Variants in SPEN observed in about 807,000 individuals in gnomAD.
SPEN encodes the protein spen family transcriptional repressor.
A neutral mutation model predicts 269.9 loss-of-function variants in SPEN; 18 were observed. The ratio of observed to expected loss-of-function variants is 0.07; its 90% CI spans 0.05 to 0.10. The LOEUF is 0.10. Among genes scored for constraint, SPEN ranks in the 10% least tolerant of loss-of-function variants. The probability of loss-of-function intolerance (pLI) is 1.00; values close to 1 mark genes in which losing one functional copy is unlikely to be tolerated. For missense variants in SPEN, 3,822 were observed against 4,631.2 expected (o/e 0.83, Z 5.07); for synonymous variants, 1,726 against 1,765.7 (o/e 0.98, Z 0.56).
chr1:15,890,956 A>G (rs1384669812), intron 3 of SPEN, among the ~76,000 whole-genome samples: 1 of 152,194 alleles, frequency 6.6e-6, no homozygotes, highest in East Asian at 1.9e-4. Context: ...TGCACTGAAT[A>G]GCCACATTTC....
At chr1:15,905,763 C>A (rs2070949774) in intron 3 of SPEN, among the ~76,000 whole-genome samples, 1 of 149,784 alleles carries the variant, frequency 6.7e-6, no homozygotes, top group Non-Finnish European at 1.5e-5. Context: ...TTAGTAGAGA[C>A]CGGGTTTCAC....
chr1:15,931,869 A>G lies in SPEN; in HGVS notation c.5629A>G (p.Arg1877Gly). ...GAAGATGGAGGCAGAGAAGATTACA[A>G]GGACTGCTTCTAAAAACTCTGCTGC... ...ELKMEAEKIT[R>G]TASKNSAADL... The change falls in exon 11 of 15, where the codon AGG (arginine) becomes GGG (glycine). Residue 1877 changes from arginine (R) to glycine (G), a missense_variant. By Grantham distance (125) the Arg-to-Gly change is moderately radical. Around this residue, in one of 16 missense-constraint regions of SPEN, gnomAD observed 533 missense variants for 618.8 expected, o/e 0.86. Coordinates refer to ENST00000375759, the MANE Select transcript of SPEN (RefSeq NM_015001.3). This position sits in a 1 kb window ranked among gnomAD's most constrained non-coding sequence, Gnocchi z 4.8. The G allele has an allele frequency of 6.2e-7, 1 of 1,614,236 alleles. No homozygotes were observed. The highest frequency in any genetic ancestry group is 8.5e-7 in the Non-Finnish European group (1 of 1,180,046).
intron 1 of SPEN, among the ~76,000 whole-genome samples, chr1:15,860,277 C>G (rs1388714382): frequency 6.6e-6 from 1 of 151,784 alleles, no homozygotes; most frequent in Non-Finnish European, 1.5e-5. Context: ...TGTTCTGTTA[C>G]CCAGGTTGGA....
intron 8 of SPEN, among the ~76,000 whole-genome samples, chr1:15,920,639 A>C (rs2071109150): frequency 6.6e-6 from 1 of 152,254 alleles, no homozygotes; most frequent in Non-Finnish European, 1.5e-5. Context: ...GAAGAACAAA[A>C]TAAAGGCATA....
chr1:15,864,730 G>A (rs895616041), intron 1 of SPEN, among the ~76,000 whole-genome samples: 34 of 149,550 alleles, frequency 2.3e-4, no homozygotes, highest in African/African-American at 4.9e-4. Flanking sequence ...TCAGCCTACC[G>A]AGTAGCTAGG....
intron 3 of SPEN, among the ~76,000 whole-genome samples, chr1:15,879,675 A>G (rs912022106): frequency 6.8e-6 from 1 of 147,912 alleles, no homozygotes. Context: ...CAGCAGACAA[A>G]TTTTTTTTTT....
chr1:15,930,708 A>G lies in SPEN; in HGVS notation c.4468A>G (p.Ile1490Val), dbSNP rs759629508. The G allele has an allele frequency of 6.2e-7, 1 of 1,614,024 alleles. No homozygotes were observed. The highest frequency in any genetic ancestry group is 8.5e-7 in the Non-Finnish European group (1 of 1,179,936). ...KEKVDSAPRP[I>V]PSWYMKKKKI... is the part of the protein sequence containing the mutation. ...AAAGGTTGACTCTGCTCCAAGACCT[A>G]TTCCATCCTGGTACATGAAAAAGAA... The change falls in exon 11 of 15, where the codon ATT becomes GTT. Residue 1490 changes from isoleucine to valine, a missense_variant. By Grantham distance (29) the Ile-to-Val change is conservative. Transcript: ENST00000375759. This position sits in a 1 kb window ranked among gnomAD's most constrained non-coding sequence, Gnocchi z 5.3.
intron 3 of SPEN, among the ~76,000 whole-genome samples, chr1:15,904,477 A>AAAAAAAAAAAAAAAAATAAAAAAAAAAG (rs1557750214): frequency 7.2e-6 from 1 of 137,948 alleles, no homozygotes; most frequent in Non-Finnish European, 1.5e-5. Flanking sequence ...AAAAAAAAAA[A>AAAAAAAAAAAAAAAAATAAAAAAAAAAG]GTGAACTAAA....
At chr1:15,899,160 C>G (rs2070873695) in intron 3 of SPEN, among the ~76,000 whole-genome samples, 1 of 152,062 alleles carries the variant, frequency 6.6e-6, no homozygotes, top group Non-Finnish European at 1.5e-5. Context: ...CACATCCTTG[C>G]ATTTGTTATT....
At chr1:15,860,562 G>A (rs1475235371) in intron 1 of SPEN, among the ~76,000 whole-genome samples, 1 of 151,398 alleles carries the variant, frequency 6.6e-6, no homozygotes, top group Admixed American at 6.6e-5. Flanking sequence ...GAAGTGCTGG[G>A]ATTACAGGTG....
intron 3 of SPEN, among the ~76,000 whole-genome samples, chr1:15,903,535 A>G (rs1403214501): frequency 6.6e-6 from 1 of 152,146 alleles, no homozygotes; most frequent in Non-Finnish European, 1.5e-5. Context: ...CCACAGGCGC[A>G]TGCCACCATG....
chr1:15,858,809 T>C (rs940829591), intron 1 of SPEN, among the ~76,000 whole-genome samples: 61 of 152,004 alleles, frequency 4.0e-4, no homozygotes, highest in African/African-American at 1.4e-3. Context: ...CCGGGCACGA[T>C]GGCGCACACC....
chr1:15,904,198 CCG>C (rs2070929631), intron 3 of SPEN, among the ~76,000 whole-genome samples: 1 of 152,008 alleles, frequency 6.6e-6, no homozygotes, highest in African/African-American at 2.4e-5. Flanking sequence ...GAACTCGAGG[CCG>C]AGCGCGGTGG....
chr1:15,867,812 C>T (rs58389693), intron 1 of SPEN, among the ~76,000 whole-genome samples: 5,274 of 150,810 alleles, frequency 0.035, 298 homozygotes, highest in African/African-American at 0.12. Context: ...AATTTACCAT[C>T]TTTTCATGTG....
At chr1:15,885,962 A>G (rs2070733073) in intron 3 of SPEN, among the ~76,000 whole-genome samples, 1 of 152,184 alleles carries the variant, frequency 6.6e-6, no homozygotes, top group Admixed American at 6.5e-5. Flanking sequence ...GGGTCATATT[A>G]GCCAACCAAG....
Position 15,933,841 on chromosome 1 carries a change from T to G in SPEN, c.7601T>G (p.Leu2534Arg). The G allele has an allele frequency of 6.2e-7, 1 of 1,613,400 alleles. No individual in the cohort carries two copies. The highest frequency in any genetic ancestry group is 8.5e-7 in the Non-Finnish European group (1 of 1,180,030). ...GATGTTGACACCAGCTCCAGCACCC[T>G]GAGGAAGATTCTCATGGACCCCAAG... ...ASDVDTSSSTLRKILMDPKYV... is the reference protein window; with the variant it reads ...ASDVDTSSSTRRKILMDPKYV... Residue 2534 changes from leucine (L) to arginine (R), a missense_variant, in exon 11 of 15, where the codon CTG (leucine) becomes CGG (arginine). Physicochemically the swap from Leu to Arg is moderately radical, Grantham distance 102 (BLOSUM62 -2). Around this residue, in one of 16 missense-constraint regions of SPEN, gnomAD observed 727 missense variants for 737.9 expected, o/e 0.99. Coordinates refer to ENST00000375759, the MANE Select transcript of SPEN (RefSeq NM_015001.3). This position sits in a 1 kb window ranked among gnomAD's most constrained non-coding sequence, Gnocchi z 5.7.
intron 1 of SPEN, among the ~76,000 whole-genome samples, chr1:15,869,118 G>A (rs1383691371): frequency 1.3e-5 from 2 of 151,986 alleles, no homozygotes; most frequent in Non-Finnish European, 2.9e-5. Flanking sequence ...GTGCAGTGGC[G>A]CGATCTCGGC....
chr1:15,874,334 G>A (rs1557739247), intron 2 of SPEN: 1 of 1,366,440 alleles, frequency 7.3e-7, no homozygotes, highest in Non-Finnish European at 9.8e-7. Flanking sequence ...GGGAAGTTAT[G>A]TTCACAATTC....
chr1:15,853,183 T>A (rs1014507560), intron 1 of SPEN, among the ~76,000 whole-genome samples: 3 of 152,010 alleles, frequency 2.0e-5, no homozygotes, highest in Admixed American at 6.6e-5. Context: ...ATTATTTTTT[T>A]ATTTTTATTT....
Sources: allele counts gnomAD v4.1 joint callset (sites outside exome capture counted in the v4.1 genomes callset), GRCh38; gene constraint gnomAD v4.1.1; regional missense constraint gnomAD v4.1.1; non-coding constraint Gnocchi (gnomAD v3.1); transcripts MANE v1.5; gene names NCBI Gene and HGNC (gene_info 2026-07-23, HGNC 2026-07-21).